The following PES1 variants were observed in gnomAD, a reference collection of about 807,000 sequenced individuals.
PES1 encodes the protein pescadillo ribosomal biogenesis factor 1.
In PES1, 31 loss-of-function variants were observed where a neutral mutation model predicts 77.1. The ratio of observed to expected loss-of-function variants is 0.40; its 90% CI spans 0.30 to 0.54. The LOEUF is 0.54. Ranked by LOEUF, PES1 falls within the 20% of genes least tolerant of loss-of-function variation. PES1 has a pLI of 0.45. For missense variants in PES1, 658 were observed against 771.7 expected, an observed-to-expected ratio of 0.85 and a Z score of 1.75; for synonymous variants, 282 against 303.0, an observed-to-expected ratio of 0.93 and a Z score of 0.72.
At chr22:30,605,582 T>G in intron 1 of PES1, 1 of 689,804 alleles carries the variant, frequency 1.4e-6, no homozygotes, top group African/African-American at 1.9e-5. Flanking sequence ...GCCAAGGCAG[T>G]CCCACCCAGG....
At chr22:30,595,051 A>G (rs2087234949), upstream of PES1, among the ~76,000 whole-genome samples, 1 of 152,140 alleles carries the variant, frequency 6.6e-6, no homozygotes, top group Admixed American at 6.6e-5. Flanking sequence ...ATAGATTCTC[A>G]TGATTTTTCA....
chr22:30,587,299 T>C lies in PES1; in HGVS notation c.355A>G (p.Ile119Val). 6.2e-7 allele frequency: 1 copy of C among 1,611,022 alleles called. No homozygotes were observed. The highest frequency in any genetic ancestry group is 8.5e-7 in the Non-Finnish European group (1 of 1,177,504). Reference protein sequence around the residue: ...DNKPNYKLDHIIKERYPTFID... With the variant: ...DNKPNYKLDHVIKERYPTFID... ...AGCCCGGCTCACCGTTCCTTGATGA[T>C]GTGGTCGAGTTTGTAGTTGGGCTTA... Residue 119 changes from isoleucine to valine, a missense_variant, in exon 4 of 15, where the codon ATC (isoleucine) becomes GTC (valine). Ile to Val is a conservative substitution (Grantham distance 29, BLOSUM62 3). Coordinates refer to ENST00000354694, the MANE Select transcript of PES1 (RefSeq NM_014303.4).
At chr22:30,595,085 T>A (rs1235344934), upstream of PES1, among the ~76,000 whole-genome samples, 1 of 152,140 alleles carries the variant, frequency 6.6e-6, no homozygotes, top group Non-Finnish European at 1.5e-5. Flanking sequence ...ATAATGAGAG[T>A]GAGATTCTAA....
At chr22:30,588,835 G>A (rs890221027) in intron 2 of PES1, among the ~76,000 whole-genome samples, 19 of 151,524 alleles carry the variant, frequency 1.3e-4, no homozygotes, top group Admixed American at 7.9e-4. Context: ...GCCAGGGACC[G>A]CCAGAGGGCA....
rs2087181782 is a variant in PES1, at chr22:30,591,807, C to T, written c.24+3G>A. The T allele has an allele frequency of 1.9e-6, 3 of 1,563,496 alleles. No individual in the cohort carries two copies. Among genetic ancestry groups the T allele is most frequent in the Non-Finnish European group, 2.6e-6 (3 of 1,154,596 alleles). ...GGGAATCCCCACCGTCTTTCCCAATCACCTTCTTCTTCTCAAGGCCTCCCA... is the reference window on the plus strand; with the variant it reads ...GGGAATCCCCACCGTCTTTCCCAATTACCTTCTTCTTCTCAAGGCCTCCCA... On this transcript the variant is annotated splice_donor_region_variant and intron_variant, in intron 1 of 14. Transcript: ENST00000354694.
chr22:30,589,868 T>G (rs1257725376), intron 1 of PES1, among the ~76,000 whole-genome samples: 3 of 152,156 alleles, frequency 2.0e-5, no homozygotes. Flanking sequence ...CCATCACCCT[T>G]TCTTCCCTAT....
Position 30,581,423 on chromosome 22 carries a change from G to T in PES1, c.748-15C>A, listed in dbSNP as rs200842620. 1.2e-6 allele frequency: 2 copies of T among 1,613,520 alleles called. No individual in the cohort carries two copies. Among genetic ancestry groups the T allele is most frequent in the African/African-American group, 2.7e-5 (2 of 75,082 alleles). On this transcript the variant is annotated splice_polypyrimidine_tract_variant and intron_variant, in intron 7 of 14. Transcript: ENST00000354694. ...TGACCCTCGAGCTAGTAGGCAAAGG[G>T]AAGGTCAGGAGGCAGAGGACAGCCA...
chr22:30,597,894 TTTG>T (rs1328627459), intron 2 of PES1, among the ~76,000 whole-genome samples: 3,532 of 143,674 alleles, frequency 0.025, 203 homozygotes, highest in Non-Finnish European at 0.036. Flanking sequence ...TTTTTTTTTT[TTTG>T]TTTTGAGTCG....
rs1481980041 is a variant in PES1, at chr22:30,588,194, T to G, written c.105-20A>C. On this transcript the variant is annotated intron_variant, in intron 2 of 14. Transcript: ENST00000354694. ...AGCCGCCTGGAAGACAGAGGCCATC[T>G]GTTATGTCAGTTATGTGGGTAAAGG... 1 of 1,614,100 alleles carries G rather than the reference T, an allele frequency of 6.2e-7. No individual in the cohort carries two copies. The highest frequency in any genetic ancestry group is 2.2e-5 in the East Asian group (1 of 44,882).
intron 2 of PES1, among the ~76,000 whole-genome samples, chr22:30,599,061 C>G (rs1322064922): frequency 6.6e-6 from 1 of 151,562 alleles, no homozygotes; most frequent in Non-Finnish European, 1.5e-5. Flanking sequence ...CCATGACCAG[C>G]TACTTTTTGT....
intron 2 of PES1, among the ~76,000 whole-genome samples, chr22:30,601,631 T>C (rs2087355665): frequency 6.6e-6 from 1 of 152,184 alleles, no homozygotes; most frequent in Non-Finnish European, 1.5e-5. Flanking sequence ...TGTCTTTTTA[T>C]GGCTTAATGG....
chr22:30,579,174 C>A lies in PES1; in HGVS notation c.1484G>T (p.Arg495Leu), dbSNP rs781347061. 3 of 1,608,328 alleles carry A rather than the reference C, an allele frequency of 1.9e-6. No homozygotes were observed. The South Asian group carries it at 3.3e-5, about 18-fold the overall frequency. The change falls in exon 13 of 15, where the codon CGG becomes CTG. Residue 495 changes from arginine to leucine, a missense_variant. By Grantham distance (102) the Arg-to-Leu change is moderately radical. Coordinates refer to ENST00000354694, the MANE Select transcript of PES1 (RefSeq NM_014303.4). ...EAGSEKEEEA[R>L]LAALEEQRME... ...CCTCTGCTCTTCCAGGGCTGCCAGC[C>A]GGGCCTCTTCCTCCTTTTCTGAACC...
At chr22:30,589,825 G>A (rs1477078852) in intron 1 of PES1, among the ~76,000 whole-genome samples, 1 of 151,998 alleles carries the variant, frequency 6.6e-6, no homozygotes, top group Non-Finnish European at 1.5e-5. Flanking sequence ...ACCACTACCA[G>A]GAGACTTATT....
intron 14 of PES1, among the ~76,000 whole-genome samples, chr22:30,578,023 C>T (rs915414653): frequency 3.9e-5 from 6 of 152,144 alleles, no homozygotes; most frequent in Non-Finnish European, 8.8e-5. Flanking sequence ...TGGCTCATGC[C>T]TCTAACCCCA....
chr22:30,597,191 G>C (rs574138322), intron 2 of PES1, among the ~76,000 whole-genome samples: 1 of 151,982 alleles, frequency 6.6e-6, no homozygotes, highest in Non-Finnish European at 1.5e-5. Flanking sequence ...CCCAACGAGC[G>C]CCGCCCCCTG....
At chr22:30,604,808 T>C (rs1013932685) in intron 2 of PES1, among the ~76,000 whole-genome samples, 1 of 152,072 alleles carries the variant, frequency 6.6e-6, no homozygotes, top group Non-Finnish European at 1.5e-5. Context: ...CCAGGTGCAG[T>C]GGTTCATGCC....
chr22:30,587,505 TGGCCAC>T (rs1415773913), intron 3 of PES1, 110 bp from the exon 4 acceptor site: 6 of 772,534 alleles, frequency 7.8e-6, no homozygotes, highest in Non-Finnish European at 1.3e-5. Flanking sequence ...CTCCTGAAGC[TGGCCAC>T]GGCTATGTGC....
chr22:30,604,524 T>A (rs2087406830), intron 2 of PES1, among the ~76,000 whole-genome samples: 1 of 151,788 alleles, frequency 6.6e-6, no homozygotes, highest in Admixed American at 6.6e-5. Flanking sequence ...TGTCAGCTAC[T>A]CAAGAGGTTG....
At chr22:30,586,722 G>A (rs1369786816) in intron 4 of PES1, among the ~76,000 whole-genome samples, 1 of 152,228 alleles carries the variant, frequency 6.6e-6, no homozygotes, top group Non-Finnish European at 1.5e-5. Flanking sequence ...CCAGCACTTT[G>A]AGAGGCCGAG....
Sources: allele counts gnomAD v4.1 joint callset (sites outside exome capture counted in the v4.1 genomes callset), GRCh38; gene constraint gnomAD v4.1.1; transcripts MANE v1.5; gene names NCBI Gene and HGNC (gene_info 2026-07-23, HGNC 2026-07-21).